Variants in GNAI1 observed in about 807,000 individuals in gnomAD.
GNAI1 encodes the protein G protein subunit alpha i1, also known as guanine nucleotide-binding protein G(i) subunit alpha-1.
In GNAI1, 11 loss-of-function variants were observed where a neutral mutation model predicts 38.9. The observed-to-expected ratio is 0.28, with a 90% CI of 0.18 to 0.47. GNAI1 has a LOEUF of 0.47. GNAI1 is among the 20% of genes least tolerant of loss of function. The pLI, the probability that GNAI1 is intolerant of heterozygous loss-of-function variation, is 0.99. For missense variants in GNAI1, 317 were observed against 436.9 expected (o/e 0.73, Z 2.45); for synonymous variants, 166 against 145.1 (o/e 1.14, Z -1.04).
intron 3 of GNAI1, among the ~76,000 whole-genome samples, chr7:80,198,030 T>A (rs1788610664): frequency 6.6e-6 from 1 of 152,030 alleles, no homozygotes. Context: ...TTAAGGAGAA[T>A]CTCTGTGAAG....
intron 3 of GNAI1, among the ~76,000 whole-genome samples, chr7:80,192,172 T>A (rs1390563216): frequency 6.6e-6 from 1 of 152,168 alleles, no homozygotes; most frequent in East Asian, 1.9e-4. Flanking sequence ...CTGTTAAGAT[T>A]TTTACAATCG....
At chr7:80,200,348 C>CAAAAAAAAAA in intron 4 of GNAI1, among the ~76,000 whole-genome samples, 1 of 57,284 alleles carries the variant, frequency 1.7e-5, no homozygotes, top group African/African-American at 9.5e-5. Flanking sequence ...AAAAAAAAAA[C>CAAAAAAAAAA]CTAATCAGGG....
At chr7:80,143,701 A>G (rs1364496835) in intron 1 of GNAI1, among the ~76,000 whole-genome samples, 2 of 152,166 alleles carry the variant, frequency 1.3e-5, no homozygotes, top group African/African-American at 4.8e-5. Flanking sequence ...TGGATAATAA[A>G]TATATCTACT....
At chr7:80,175,732 T>TA (rs1788173312) in intron 1 of GNAI1, among the ~76,000 whole-genome samples, 1 of 152,172 alleles carries the variant, frequency 6.6e-6, no homozygotes, top group Non-Finnish European at 1.5e-5. Flanking sequence ...CTATTCTAAT[T>TA]GTTTTAGAGT....
rs146452932 is a variant in GNAI1, at chr7:80,184,888, A to T, written c.119-4063A>T. 5.8e-4 allele frequency among the ~76,000 whole-genome samples: 88 copies of T among 152,222 alleles called. No homozygotes were observed. The East Asian group carries it at 0.015, about 26-fold the overall frequency. ...CTCTGGGAGTCACATTCTTCCCTCT[A>T]AACTCTCATTCACTCCACAGTGATT... On this transcript the variant is annotated intron_variant, in intron 1 of 7. Transcript: ENST00000649796.
chr7:80,176,138 C>G (rs965619807), intron 1 of GNAI1, among the ~76,000 whole-genome samples: 8 of 152,188 alleles, frequency 5.3e-5, no homozygotes, highest in Non-Finnish European at 1.2e-4. Flanking sequence ...AATGGACACA[C>G]GAATGATAAA....
intron 1 of GNAI1, among the ~76,000 whole-genome samples, chr7:80,157,089 A>T (rs1196431319): frequency 6.6e-6 from 1 of 152,232 alleles, no homozygotes. Flanking sequence ...TACTGCCCTT[A>T]AAATCCTCTG....
chr7:80,156,042 CAAAAAAA>C (rs1182960135), intron 1 of GNAI1, among the ~76,000 whole-genome samples: 37 of 68,530 alleles, frequency 5.4e-4, no homozygotes, highest in Admixed American at 7.3e-4. Flanking sequence ...GACTCTGTCT[CAAAAAAA>C]AAAAAAAAAA....
intron 1 of GNAI1, among the ~76,000 whole-genome samples, chr7:80,156,218 G>A (rs1390710996): frequency 1.3e-5 from 2 of 151,892 alleles, no homozygotes; most frequent in East Asian, 1.9e-4. Flanking sequence ...TAAAAAATAT[G>A]TTGTACTCAT....
chr7:80,176,725 T>G (rs954415794), intron 1 of GNAI1, among the ~76,000 whole-genome samples: 6 of 151,828 alleles, frequency 4.0e-5, no homozygotes, highest in African/African-American at 7.3e-5. Flanking sequence ...TCACCTGAGG[T>G]CAGGAGTTCG....
At chr7:80,169,152 T>C in intron 1 of GNAI1, among the ~76,000 whole-genome samples, 1 of 152,222 alleles carries the variant, frequency 6.6e-6, no homozygotes, top group East Asian at 1.9e-4. Flanking sequence ...GGGTAAGAAC[T>C]GTGTCTTGAC....
At chr7:80,204,987 TAAAG>T (rs1332079387) in intron 5 of GNAI1, among the ~76,000 whole-genome samples, 1 of 152,162 alleles carries the variant, frequency 6.6e-6, no homozygotes, top group Non-Finnish European at 1.5e-5. Context: ...TGAAGCTAAA[TAAAG>T]AGGCAGAAGT....
At chr7:80,152,106 T>C (rs1195749061) in intron 1 of GNAI1, among the ~76,000 whole-genome samples, 2 of 152,216 alleles carry the variant, frequency 1.3e-5, no homozygotes, top group Admixed American at 6.5e-5. Flanking sequence ...ATTAATCTCA[T>C]GTTACAAAGC....
At chr7:80,216,170 C>T (rs1788964555) in intron 7 of GNAI1, among the ~76,000 whole-genome samples, 1 of 150,708 alleles carries the variant, frequency 6.6e-6, no homozygotes, top group Non-Finnish European at 1.5e-5. Context: ...ATATTATGTA[C>T]ATACATACAT....
chr7:80,137,293 C>CTTTTTT (rs377362596), intron 1 of GNAI1, among the ~76,000 whole-genome samples: 2 of 95,246 alleles, frequency 2.1e-5, no homozygotes, highest in African/African-American at 4.1e-5. Context: ...TTTCTTTTTT[C>CTTTTTT]TTTTTTTTTT....
intron 1 of GNAI1, among the ~76,000 whole-genome samples, chr7:80,154,274 T>C (rs965336166): frequency 6.6e-6 from 1 of 152,230 alleles, no homozygotes; most frequent in Non-Finnish European, 1.5e-5. Flanking sequence ...TAAATTGTTA[T>C]TTTATGGTTA....
chr7:80,196,664 A>G lies in GNAI1; in HGVS notation c.304-2561A>G, dbSNP rs150433358. On this transcript the variant is annotated intron_variant, in intron 3 of 7. Coordinates refer to ENST00000649796, the MANE Select transcript of GNAI1 (RefSeq NM_002069.6). ...TTTGTGCCTTGGGTTCGTTTTATAC[A>G]GAAGATTAGGTAGAATAATTTCAGC... Among the ~76,000 whole-genome samples the G allele has an allele frequency of 8.4e-3, 1,274 of 152,084 alleles. 16 individuals are homozygous for G. Among genetic ancestry groups the G allele is most frequent in the African/African-American group, 0.029 (1,212 of 41,552 alleles).
At position 80,224,872 on chromosome 7, in the gene GNAI1, C is replaced by G. The variant is rs1215952063; in HGVS notation, c.*7379C>G. The stretch of plus-strand genomic sequence containing the variant: ...TATTGGGTTATATAATTTTAAAATT[C>G]TACTTTTTTTTACATTTTTAATGTG... On this transcript the variant is annotated 3_prime_UTR_variant, in exon 8 of 8. Transcript: ENST00000649796. Among the ~76,000 whole-genome samples the G allele has an allele frequency of 6.6e-6, 1 of 152,040 alleles. No homozygotes were observed. Among genetic ancestry groups the G allele is most frequent in the Non-Finnish European group, 1.5e-5 (1 of 68,002 alleles).
intron 1 of GNAI1, among the ~76,000 whole-genome samples, chr7:80,176,139 G>A (rs977416880): frequency 5.9e-5 from 9 of 152,224 alleles, no homozygotes; most frequent in African/African-American, 2.2e-4. Context: ...ATGGACACAC[G>A]AATGATAAAG....
Sources: gnomAD v4.1 joint callset for allele counts (sites outside exome capture counted in the v4.1 genomes callset) on GRCh38, gnomAD v4.1.1 for gene constraint, MANE v1.5 for transcripts, NCBI Gene and HGNC (gene_info 2026-07-23, HGNC 2026-07-21) for gene names.